Variants in TADA2A observed in about 807,000 individuals in gnomAD.
The protein encoded by TADA2A is transcriptional adapter 2-alpha.
Under a neutral mutation model 67.4 loss-of-function variants are expected in TADA2A, and 38 were observed. The observed-to-expected ratio is 0.56, with a 90% CI of 0.44 to 0.74. The LOEUF (loss-of-function observed/expected upper bound fraction) is 0.74, where lower values mean the gene tolerates loss of function less well. Among genes scored for constraint, TADA2A ranks in the 30% least tolerant of loss-of-function variants. TADA2A has a pLI of 0.00. For synonymous variants in TADA2A, 192 were observed against 181.6 expected (o/e 1.06, Z -0.46); for missense variants, 454 against 547.0 (o/e 0.83, Z 1.70).
intron 8 of TADA2A, among the ~76,000 whole-genome samples, chr17:37,451,317 T>A (rs948253865): frequency 6.7e-6 from 1 of 149,266 alleles, no homozygotes; most frequent in Non-Finnish European, 1.5e-5. Context: ...CAGGTTTTTT[T>A]GTTTTTTGGC....
At chr17:37,465,931 T>G (rs1351104854) in intron 11 of TADA2A, among the ~76,000 whole-genome samples, 1 of 152,212 alleles carries the variant, frequency 6.6e-6, no homozygotes, top group Admixed American at 6.5e-5. Flanking sequence ...TGCCCTCAAC[T>G]GGATTATTCT....
intron 4 of TADA2A, among the ~76,000 whole-genome samples, chr17:37,428,748 T>A (rs923809228): frequency 2.0e-5 from 3 of 152,068 alleles, no homozygotes; most frequent in African/African-American, 7.2e-5. Flanking sequence ...CTGGCTAATT[T>A]AAAAATTTTT....
intron 4 of TADA2A, 102 bp downstream of exon 4, chr17:37,427,111 G>A (rs893429138): frequency 5.4e-5 from 51 of 946,530 alleles, no homozygotes; most frequent in Middle Eastern, 3.0e-4. Context: ...TTGGACTTCA[G>A]GGAATTAGTT....
intron 2 of TADA2A, among the ~76,000 whole-genome samples, chr17:37,418,512 A>G (rs2052123425): frequency 6.6e-6 from 1 of 152,204 alleles, no homozygotes; most frequent in Non-Finnish European, 1.5e-5. Flanking sequence ...AGAACAAGGA[A>G]GGTCAATGTG....
chr17:37,415,675 C>G (rs915231146), intron 2 of TADA2A, among the ~76,000 whole-genome samples: 3 of 148,856 alleles, frequency 2.0e-5, no homozygotes, highest in Non-Finnish European at 4.4e-5. Flanking sequence ...GTCAGGTGTT[C>G]GAGACCAGCC....
At chr17:37,452,746 A>G (rs1019582038) in intron 8 of TADA2A, among the ~76,000 whole-genome samples, 7 of 152,168 alleles carry the variant, frequency 4.6e-5, no homozygotes, top group African/African-American at 1.4e-4. Flanking sequence ...AAATCAAGAA[A>G]TATTTCATTT....
At chr17:37,454,752 C>T in intron 8 of TADA2A, 1 of 322,446 alleles carries the variant, frequency 3.1e-6, no homozygotes, top group African/African-American at 2.2e-5. Context: ...AATATAGTGG[C>T]CAAGAGGAAT....
At chr17:37,409,868 A>G (rs935536345) in intron 1 of TADA2A, among the ~76,000 whole-genome samples, 1 of 151,898 alleles carries the variant, frequency 6.6e-6, no homozygotes, top group African/African-American at 2.4e-5. Context: ...TTCAAAGAAG[A>G]TACTTTGGGC....
chr17:37,475,616 C>A (rs1037737773), intron 15 of TADA2A, among the ~76,000 whole-genome samples: 1 of 152,066 alleles, frequency 6.6e-6, no homozygotes, highest in African/African-American at 2.4e-5. Flanking sequence ...CAGGCGCATA[C>A]CACCACACCC....
intron 8 of TADA2A, among the ~76,000 whole-genome samples, chr17:37,453,679 T>C (rs1166330134): frequency 3.3e-5 from 5 of 152,180 alleles, no homozygotes; most frequent in Non-Finnish European, 7.4e-5. Context: ...AATGAGATTG[T>C]ATTACTCTTC....
intron 8 of TADA2A, chr17:37,454,801 T>G (rs917218451): frequency 1.6e-5 from 4 of 246,768 alleles, no homozygotes; most frequent in Non-Finnish European, 3.5e-5. Flanking sequence ...GAAAACAAGC[T>G]AGCAGGGCTG....
Position 37,437,747 on chromosome 17 carries a change from T to A in TADA2A, c.202T>A (p.Phe68Ile). ...DHTYEIMTSDFPVLDPSWTAQ... is the reference protein window; with the variant it reads ...DHTYEIMTSDIPVLDPSWTAQ... ...ACTTTTTTCTCCTTAGACTTCAGAT[T>A]TTCCTGTCCTTGATCCCAGCTGGAC... Residue 68 changes from phenylalanine (F) to isoleucine (I), a missense_variant, in exon 5 of 16, where the codon TTT becomes ATT. This residue lies in a region of TADA2A where 403 missense variants were observed against 455.5 expected (regional missense o/e 0.88). Transcript: ENST00000615182. The A allele has an allele frequency of 6.2e-7, 1 of 1,614,168 alleles. No individual in the cohort carries two copies. The highest frequency in any genetic ancestry group is 8.5e-7 in the Non-Finnish European group (1 of 1,180,024).
rs1363843130 is a variant in TADA2A, at chr17:37,479,632, T to A, written c.*2650T>A. 1 of 152,164 alleles carries A rather than the reference T, an allele frequency of 6.6e-6. No individual in the cohort carries two copies. Among genetic ancestry groups the A allele is most frequent in the Non-Finnish European group, 1.5e-5 (1 of 68,022 alleles). 9.4% of individuals were successfully genotyped at this position (152,164 alleles called of 1,614,324 possible). On this transcript the variant is annotated 3_prime_UTR_variant, in exon 16 of 16. Transcript: ENST00000615182. ...CATGAATAAAACCTGTTTACTGAAATTTTTATTGCAATTTAACGTTAAAAG... is the reference window on the plus strand; with the variant it reads ...CATGAATAAAACCTGTTTACTGAAAATTTTATTGCAATTTAACGTTAAAAG...
chr17:37,462,221 T>A, intron 10 of TADA2A, 100 bp downstream of exon 10: 2 of 779,120 alleles, frequency 2.6e-6, no homozygotes, highest in Non-Finnish European at 4.1e-6. Context: ...AAGTTGCATA[T>A]TAGCCTGGCT....
chr17:37,423,752 CTTTTT>C (rs10706906), intron 3 of TADA2A, 137 bp downstream of exon 3: 21 of 481,480 alleles, frequency 4.4e-5, no homozygotes, highest in South Asian at 1.7e-4. Context: ...CTTTTTCTTT[CTTTTT>C]TTTTTTTTTT....
At chr17:37,471,758 G>A (rs759319753) in intron 14 of TADA2A, among the ~76,000 whole-genome samples, 24 of 152,140 alleles carry the variant, frequency 1.6e-4, no homozygotes, top group Admixed American at 7.2e-4. Context: ...CACCCACCAC[G>A]GCCTCCCAAA....
intron 8 of TADA2A, chr17:37,450,487 T>C (rs2053203247): frequency 6.6e-6 from 1 of 152,242 alleles, no homozygotes; most frequent in Admixed American, 6.5e-5. Context: ...TAGAAATACA[T>C]TGCAGTGGGA....
chr17:37,467,626 C>T (rs757598746), intron 12 of TADA2A, 101 bp downstream of exon 12: 8 of 1,019,602 alleles, frequency 7.8e-6, no homozygotes, highest in Non-Finnish European at 1.2e-5. Context: ...AAAAAACAAG[C>T]TTTCCTTTAC....
At chr17:37,470,363 A>G in intron 12 of TADA2A, 37 bp from the exon 13 acceptor site, 2 of 1,612,512 alleles carry the variant, frequency 1.2e-6, no homozygotes, top group Non-Finnish European at 8.5e-7. Context: ...GTTCTGCTGC[A>G]TTGTCATTGT....
Sources: allele counts gnomAD v4.1 joint callset (sites outside exome capture counted in the v4.1 genomes callset), GRCh38; gene constraint gnomAD v4.1.1; regional missense constraint gnomAD v4.1.1; transcripts MANE v1.5; gene names NCBI Gene and HGNC (gene_info 2026-07-23, HGNC 2026-07-21).